C6: variants seen among roughly 807,000 people sequenced by gnomAD.
C6 encodes the protein complement C6.
Under a neutral mutation model 112.9 loss-of-function variants are expected in C6, and 101 were observed. The observed-to-expected ratio is 0.89, with a 90% confidence interval of 0.76 to 1.06. C6 has a LOEUF of 1.06. Among genes scored for constraint, C6 ranks in the 50% least tolerant of loss-of-function variants. C6 has a pLI of 0.00. For synonymous variants in C6, 431 were observed against 384.1 expected, an observed-to-expected ratio of 1.12 and a Z score of -1.43; for missense variants, 1,202 against 1,104.6, an observed-to-expected ratio of 1.09 and a Z score of -1.25.
intron 9 of C6, among the ~76,000 whole-genome samples, chr5:41,170,523 G>T (rs1175603705): frequency 1.3e-5 from 2 of 151,560 alleles, no homozygotes; most frequent in Non-Finnish European, 2.9e-5. Context: ...TTCATATTTT[G>T]GTTAATATTA....
intron 15 of C6, 33 bp from the exon 16 acceptor site, chr5:41,150,058 T>A: frequency 7.7e-7 from 1 of 1,301,334 alleles, no homozygotes; most frequent in African/African-American, 1.5e-5. Flanking sequence ...AAAAGAACAG[T>A]GCACAGCATG....
intron 1 of C6, among the ~76,000 whole-genome samples, chr5:41,225,438 G>A (rs1739428753): frequency 6.6e-6 from 1 of 152,106 alleles, no homozygotes; most frequent in African/African-American, 2.4e-5. Context: ...TGGTGTATAT[G>A]TGCCACATTT....
chr5:41,235,125 T>G (rs1740186413), intron 1 of C6, among the ~76,000 whole-genome samples: 1 of 148,930 alleles, frequency 6.7e-6, no homozygotes, highest in Admixed American at 6.7e-5. Flanking sequence ...GTGCACATTG[T>G]GCAGGTTAGT....
intron 7 of C6, among the ~76,000 whole-genome samples, chr5:41,180,572 G>T (rs751191611): frequency 2.0e-5 from 3 of 152,016 alleles, no homozygotes; most frequent in Non-Finnish European, 4.4e-5. Context: ...CCAATACTTA[G>T]ACATACCCTA....
chr5:41,220,946 G>A (rs187336268), intron 1 of C6, among the ~76,000 whole-genome samples: 69 of 151,630 alleles, frequency 4.6e-4, no homozygotes, highest in African/African-American at 1.5e-3. Flanking sequence ...TTTAAAAAAA[G>A]AGCAAGCATC....
chr5:41,236,910 A>T (rs1740351124), intron 1 of C6, among the ~76,000 whole-genome samples: 1 of 149,172 alleles, frequency 6.7e-6, no homozygotes, highest in Admixed American at 6.7e-5. Context: ...CACCAATCCC[A>T]CAGAAATACA....
intron 16 of C6, 43 bp from the exon 17 acceptor site, chr5:41,149,525 A>G (rs1746177221): frequency 1.9e-6 from 3 of 1,611,330 alleles, no homozygotes; most frequent in Non-Finnish European, 2.5e-6. Flanking sequence ...TGAAGATCAG[A>G]AAAAAACAGG....
chr5:41,188,617 A>C (rs1749966763), intron 5 of C6, among the ~76,000 whole-genome samples: 1 of 152,078 alleles, frequency 6.6e-6, no homozygotes, highest in Non-Finnish European at 1.5e-5. Context: ...CAAAAAAATT[A>C]ATCAAAATAG....
intron 13 of C6, among the ~76,000 whole-genome samples, chr5:41,156,383 T>C (rs1221691040): frequency 2.0e-5 from 3 of 152,184 alleles, no homozygotes; most frequent in African/African-American, 7.2e-5. Flanking sequence ...ATAGTGTTTA[T>C]CACGTTTATC....
intron 1 of C6, among the ~76,000 whole-genome samples, chr5:41,234,171 T>C (rs2150416231): frequency 6.6e-6 from 1 of 152,126 alleles, no homozygotes; most frequent in Middle Eastern, 3.4e-3. Flanking sequence ...TTACTACTTT[T>C]GAAGGAGAAA....
At chr5:41,247,445 A>C (rs2150433795) in intron 1 of C6, among the ~76,000 whole-genome samples, 1 of 152,318 alleles carries the variant, frequency 6.6e-6, no homozygotes, top group African/African-American at 2.4e-5. Context: ...GCCACAGAAA[A>C]GTAAAAATAA....
At chr5:41,176,432 G>A (rs762303895) in intron 8 of C6, 43 bp downstream of exon 8, 1 of 1,590,508 alleles carries the variant, frequency 6.3e-7, no homozygotes, top group Non-Finnish European at 8.6e-7. Context: ...TGTATTGCAT[G>A]CTATCATACC....
At chr5:41,183,948 G>A (rs966671048) in intron 6 of C6, among the ~76,000 whole-genome samples, 2 of 147,382 alleles carry the variant, frequency 1.4e-5, no homozygotes, top group Non-Finnish European at 3.0e-5. Flanking sequence ...TGGACATAAA[G>A]ATGGCAACAA....
At chr5:41,210,283 A>T (rs1459769719) in intron 1 of C6, among the ~76,000 whole-genome samples, 3 of 152,184 alleles carry the variant, frequency 2.0e-5, no homozygotes, top group Non-Finnish European at 4.4e-5. Context: ...AACCTAGGCA[A>T]TACCATTCAG....
chr5:41,198,972 C>G (rs913681063), intron 4 of C6, among the ~76,000 whole-genome samples: 3 of 152,068 alleles, frequency 2.0e-5, no homozygotes, highest in African/African-American at 7.2e-5. Context: ...CAAAATATAT[C>G]TCCCTACCCA....
Position 41,153,853 on chromosome 5 carries a change from A to G in C6, c.2247T>C (p.Asn749=), listed in dbSNP as rs756694997. 1 of 1,613,456 alleles carries G rather than the reference A, an allele frequency of 6.2e-7. No homozygotes were observed. The highest frequency in any genetic ancestry group is 1.3e-5 in the African/African-American group (1 of 74,894). The change falls in exon 15 of 18, where the codon AAT becomes AAC. Residue 749 remains asparagine, a synonymous_variant. Coordinates refer to ENST00000337836, the MANE Select transcript of C6 (RefSeq NM_000065.5). Reference sequence around the variant, plus strand: ...AGTTTGAAATGGGTGGTGTCCAGGAATTCCCCTGGCATGTGTACCTTGATG... The same window carrying G: ...AGTTTGAAATGGGTGGTGTCCAGGAGTTCCCCTGGCATGTGTACCTTGATG... ...AGPSRYTCQG[N]SWTPPISNSL... is the part of the protein sequence containing the mutation.
intron 8 of C6, 40 bp downstream of exon 8, chr5:41,176,435 A>G: frequency 6.2e-7 from 1 of 1,604,654 alleles, no homozygotes; most frequent in Non-Finnish European, 8.5e-7. Flanking sequence ...ATTGCATGCT[A>G]TCATACCAGT....
intron 9 of C6, among the ~76,000 whole-genome samples, chr5:41,166,658 T>A (rs1748001289): frequency 6.6e-6 from 1 of 152,060 alleles, no homozygotes; most frequent in African/African-American, 2.4e-5. Context: ...AAATAGAAAG[T>A]AAACATAATA....
At chr5:41,209,947 T>C (rs1393305864) in intron 1 of C6, among the ~76,000 whole-genome samples, 3 of 152,124 alleles carry the variant, frequency 2.0e-5, no homozygotes, top group African/African-American at 7.2e-5. Flanking sequence ...GGAGGCATCT[T>C]GCTACCTGAC....
Sources: allele counts gnomAD v4.1 joint callset (sites outside exome capture counted in the v4.1 genomes callset), GRCh38; gene constraint gnomAD v4.1.1; transcripts MANE v1.5; gene names NCBI Gene and HGNC (gene_info 2026-07-23, HGNC 2026-07-21).